The following MYRFL variants were observed in gnomAD, a reference collection of about 807,000 sequenced individuals.
MYRFL encodes the protein myelin regulatory factor like.
In MYRFL, 88 loss-of-function variants were observed where a neutral mutation model predicts 109.4. That is an observed-to-expected ratio of 0.80 (90% CI 0.68 to 0.96). The LOEUF is 0.96. MYRFL is among the 40% of genes least tolerant of loss of function. The pLI, the probability that MYRFL is intolerant of heterozygous loss-of-function variation, is 0.00. For missense variants in MYRFL, 957 were observed against 954.9 expected (o/e 1.00, Z -0.03); for synonymous variants, 324 against 320.9 (o/e 1.01, Z -0.10).
At chr12:69,943,674 T>C (rs1473600048) in intron 19 of MYRFL, among the ~76,000 whole-genome samples, 1 of 147,240 alleles carries the variant, frequency 6.8e-6, no homozygotes, top group Non-Finnish European at 1.5e-5. Flanking sequence ...AAAGCCAAAA[T>C]TGACAAATGG....
In MYRFL at chr12:69,862,457, T is replaced by C. The variant is rs1028718012; in HGVS notation, c.137+7087T>C. ...TGGTTTGTAGTTCTCCTTGAAGAGG[T>C]CCTTCACATCCCTTGTAAGTTGGAT... On this transcript the variant is annotated intron_variant, in intron 2 of 24. Coordinates refer to ENST00000552032, the MANE Select transcript of MYRFL (RefSeq NM_182530.3). Among the ~76,000 whole-genome samples the C allele has an allele frequency of 7.2e-3, 1,088 of 151,938 alleles. 10 individuals are homozygous for C. The highest frequency in any genetic ancestry group is 0.012 in the Non-Finnish European group (800 of 67,838).
chr12:69,851,949 G>A (rs569630037), intron 1 of MYRFL, among the ~76,000 whole-genome samples: 1 of 152,350 alleles, frequency 6.6e-6, no homozygotes, highest in Admixed American at 6.5e-5. Context: ...GGCATGAGCT[G>A]TGGTACCCAG....
chr12:69,867,627 T>C (rs535368429), intron 2 of MYRFL, among the ~76,000 whole-genome samples: 3 of 152,312 alleles, frequency 2.0e-5, no homozygotes, highest in African/African-American at 7.2e-5. Flanking sequence ...AAGCATCTAA[T>C]ATTATGGGTT....
chr12:69,896,686 A>T (rs1227083575), intron 9 of MYRFL, among the ~76,000 whole-genome samples: 3 of 152,228 alleles, frequency 2.0e-5, no homozygotes, highest in African/African-American at 7.2e-5. Flanking sequence ...GTGGTGGGGC[A>T]GACCCTAGGA....
At chr12:69,855,414 T>G (rs1884216657) in intron 2 of MYRFL, 44 bp downstream of exon 2, 2 of 698,598 alleles carry the variant, frequency 2.9e-6, no homozygotes, top group Non-Finnish European at 5.2e-6. Context: ...TTTAAAATAT[T>G]ATGAAATGAT....
chr12:69,878,358 T>A (rs191917483), intron 2 of MYRFL, among the ~76,000 whole-genome samples: 1 of 152,256 alleles, frequency 6.6e-6, no homozygotes, highest in Admixed American at 6.5e-5. Context: ...TTTTAAGAGC[T>A]TTGGGATCCC....
intron 2 of MYRFL, among the ~76,000 whole-genome samples, chr12:69,859,094 T>A (rs1245681449): frequency 1.3e-5 from 2 of 152,112 alleles, no homozygotes; most frequent in East Asian, 3.8e-4. Context: ...AAATTTTATT[T>A]GACTTTCTTT....
In MYRFL at chr12:69,939,020, C is replaced by G. The variant is rs1010121455; in HGVS notation, c.2224+2388C>G. Among the ~76,000 whole-genome samples the G allele has an allele frequency of 2.0e-5, 3 of 152,334 alleles. 1 individual carries two copies. The highest frequency in any genetic ancestry group is 4.2e-4 in the South Asian group (2 of 4,816). On this transcript the variant is annotated intron_variant, in intron 19 of 24. Transcript: ENST00000552032. ...AATGGCGCACCACGAGATTATATCC[C>G]GCACCTGGCTCGGAGGGTCCTACCC...
chr12:69,916,132 C>G (rs1206089776), intron 13 of MYRFL, among the ~76,000 whole-genome samples: 5 of 151,890 alleles, frequency 3.3e-5, no homozygotes, highest in Admixed American at 2.0e-4. Context: ...CAGGAATTGT[C>G]TATTTGAATG....
At chr12:69,898,709 G>C (rs1372285627) in intron 10 of MYRFL, among the ~76,000 whole-genome samples, 1 of 152,172 alleles carries the variant, frequency 6.6e-6, no homozygotes, top group East Asian at 1.9e-4. Flanking sequence ...GTACTCTCCG[G>C]AGCTGTATAA....
At chr12:69,924,473 G>A (rs1360284193) in intron 13 of MYRFL, among the ~76,000 whole-genome samples, 1 of 152,066 alleles carries the variant, frequency 6.6e-6, no homozygotes, top group African/African-American at 2.4e-5. Context: ...ATAGTATACT[G>A]CTATGCAAAT....
At chr12:69,856,875 C>T (rs773217311) in intron 2 of MYRFL, among the ~76,000 whole-genome samples, 1 of 151,904 alleles carries the variant, frequency 6.6e-6, no homozygotes, top group Non-Finnish European at 1.5e-5. Flanking sequence ...GTGTTTTTCT[C>T]AGAGCAAAAG....
chr12:69,942,633 G>A (rs960214700), intron 19 of MYRFL, among the ~76,000 whole-genome samples: 8 of 150,766 alleles, frequency 5.3e-5, no homozygotes, highest in Non-Finnish European at 8.9e-5. Flanking sequence ...CACAAGACAG[G>A]GATGCCCTCT....
chr12:69,837,658 T>C (rs912207899), intron 1 of MYRFL, among the ~76,000 whole-genome samples: 1 of 152,144 alleles, frequency 6.6e-6, no homozygotes, highest in African/African-American at 2.4e-5. Context: ...CTGCCTGACT[T>C]GCAGTTTTCT....
chr12:69,954,388 T>C (rs1169386583), intron 21 of MYRFL, among the ~76,000 whole-genome samples: 1 of 152,264 alleles, frequency 6.6e-6, no homozygotes, highest in Non-Finnish European at 1.5e-5. Context: ...CAGATCTTTC[T>C]ATTTTAAAAA....
At position 69,906,159 on chromosome 12, in the gene MYRFL, C is replaced by A. The variant is rs114752814; in HGVS notation, c.1383+2315C>A. On this transcript the variant is annotated intron_variant, in intron 11 of 24. Transcript: ENST00000552032. ...CTGCTTTGCCCTATGTGTTTCCTCACGCAGGAAACACAGATTTCTTTGTGG... is the reference window on the plus strand; with the variant it reads ...CTGCTTTGCCCTATGTGTTTCCTCAAGCAGGAAACACAGATTTCTTTGTGG... Among the ~76,000 whole-genome samples the A allele has an allele frequency of 3.0e-3, 451 of 152,212 alleles. 3 individuals are homozygous for A. Among genetic ancestry groups the A allele is most frequent in the African/African-American group, 9.6e-3 (400 of 41,536 alleles).
chr12:69,827,257 AAT>A (rs569165350), intron 1 of MYRFL, among the ~76,000 whole-genome samples: 45 of 152,228 alleles, frequency 3.0e-4, no homozygotes, highest in African/African-American at 9.1e-4. Context: ...AGCCCTAAAT[AAT>A]ATATGTTTTC....
intron 19 of MYRFL, among the ~76,000 whole-genome samples, chr12:69,942,567 G>A (rs1086224): frequency 0.76 from 102,283 of 134,574 alleles, 39,288 homozygotes; most frequent in Middle Eastern, 0.89. Context: ...TGACAAACCC[G>A]CAGCCAATAT....
At chr12:69,941,783 G>A (rs997453966) in intron 19 of MYRFL, among the ~76,000 whole-genome samples, 10 of 151,218 alleles carry the variant, frequency 6.6e-5, no homozygotes, top group East Asian at 3.9e-4. Flanking sequence ...TTGATAGACC[G>A]CTAGCAAGAC....
Sources: gnomAD v4.1 joint callset for allele counts (sites outside exome capture counted in the v4.1 genomes callset) on GRCh38, gnomAD v4.1.1 for gene constraint, MANE v1.5 for transcripts, NCBI Gene and HGNC (gene_info 2026-07-23, HGNC 2026-07-21) for gene names.